ZNF25: variants seen among roughly 807,000 people sequenced by gnomAD.
ZNF25 encodes zinc finger protein 25.
A neutral mutation model predicts 30.9 loss-of-function variants in ZNF25; 21 were observed. The observed-to-expected ratio is 0.68, with a 90% CI of 0.48 to 0.98. The LOEUF (loss-of-function observed/expected upper bound fraction) is 0.98, where lower values mean the gene tolerates loss of function less well. ZNF25 is among the 50% of genes least tolerant of loss of function. The pLI, the probability that ZNF25 is intolerant of heterozygous loss-of-function variation, is 0.00. For synonymous variants in ZNF25, 169 were observed against 181.3 expected (o/e 0.93, Z 0.55); for missense variants, 501 against 529.9 (o/e 0.95, Z 0.54).
At chr10:37,957,282 C>G (rs1208521793) in intron 3 of ZNF25, 138 bp downstream of exon 3, 2 of 1,336,498 alleles carry the variant, frequency 1.5e-6, no homozygotes, top group Admixed American at 4.6e-5. Context: ...TTCTAGTACC[C>G]AAAATGGATT....
chr10:37,975,373 T>C (rs552155442), intron 1 of ZNF25, among the ~76,000 whole-genome samples: 4 of 125,168 alleles, frequency 3.2e-5, no homozygotes, highest in African/African-American at 1.3e-4. Flanking sequence ...CCCACAAATA[T>C]GTACATTATG....
At chr10:37,955,562 A>G (rs2062463323) in intron 4 of ZNF25, among the ~76,000 whole-genome samples, 1 of 152,206 alleles carries the variant, frequency 6.6e-6, no homozygotes, top group Non-Finnish European at 1.5e-5. Context: ...CAATTTTAGG[A>G]ATCCTTATCA....
At chr10:37,973,880 A>G (rs1488656794) in intron 1 of ZNF25, among the ~76,000 whole-genome samples, 1 of 152,244 alleles carries the variant, frequency 6.6e-6, no homozygotes, top group Non-Finnish European at 1.5e-5. Context: ...ACTTCAAAAT[A>G]TACTATAAAG....
chr10:37,964,253 T>C (rs1262449733), intron 2 of ZNF25, among the ~76,000 whole-genome samples: 1 of 152,154 alleles, frequency 6.6e-6, no homozygotes, highest in Non-Finnish European at 1.5e-5. Context: ...AAATAGGTAC[T>C]GAGGAGTAGA....
At chr10:37,954,916 G>T (rs1412357847) in intron 4 of ZNF25, among the ~76,000 whole-genome samples, 1 of 152,134 alleles carries the variant, frequency 6.6e-6, no homozygotes, top group Non-Finnish European at 1.5e-5. Context: ...CACTTTGAGA[G>T]GCTGAGGTGG....
intron 2 of ZNF25, among the ~76,000 whole-genome samples, chr10:37,963,091 C>CT (rs1473001734): frequency 3.4e-5 from 5 of 148,882 alleles, no homozygotes; most frequent in East Asian, 3.9e-4. Flanking sequence ...CAGTGGAGTA[C>CT]TTTTTTTTTC....
chr10:37,964,119 A>G (rs1023514697), intron 2 of ZNF25, among the ~76,000 whole-genome samples: 2 of 152,154 alleles, frequency 1.3e-5, no homozygotes, highest in Non-Finnish European at 2.9e-5. Context: ...CCAGAAGCTG[A>G]GCAGATGCCA....
intron 2 of ZNF25, among the ~76,000 whole-genome samples, chr10:37,966,729 G>T (rs559733171): frequency 6.6e-6 from 1 of 152,102 alleles, no homozygotes; most frequent in South Asian, 2.1e-4. Flanking sequence ...AACATTGAGG[G>T]TTACAATTTC....
At position 37,952,689 on chromosome 10, in the gene ZNF25, T is replaced by A; in HGVS notation, c.809A>T (p.Lys270Met). 1 of 1,613,852 alleles carries A rather than the reference T, an allele frequency of 6.2e-7. No homozygotes were observed. The change falls in exon 6 of 6, where the codon AAG (lysine) becomes ATG (methionine). Residue 270 changes from lysine (K) to methionine (M), a missense_variant. By Grantham distance (95) the Lys-to-Met change is moderately conservative (BLOSUM62 -1). Coordinates refer to ENST00000302609, the MANE Select transcript of ZNF25 (RefSeq NM_145011.4). ...TCTCTGATGTACTGTGAGGTGTGAC[T>A]TCTGGGAAAAGGCTTTCCCACACTC... ...CKECGKAFSQKSHLTVHQRMH... is the reference protein window; with the variant it reads ...CKECGKAFSQMSHLTVHQRMH...
At chr10:37,954,757 C>T (rs530654170) in intron 4 of ZNF25, among the ~76,000 whole-genome samples, 51 of 152,248 alleles carry the variant, frequency 3.3e-4, no homozygotes, top group Admixed American at 3.1e-3. Context: ...AGATTATCAG[C>T]AGATGCTTGG....
chr10:37,971,636 C>T, intron 2 of ZNF25, 72 bp downstream of exon 2: 2 of 775,778 alleles, frequency 2.6e-6, no homozygotes. Flanking sequence ...ATTAAACACA[C>T]ACACACACAC....
Position 37,953,737 on chromosome 10 carries a change from T to A in ZNF25, c.260A>T (p.Asp87Val). The A allele has an allele frequency of 6.2e-7, 1 of 1,614,022 alleles. No homozygotes were observed. The highest frequency in any genetic ancestry group is 8.5e-7 in the Non-Finnish European group (1 of 1,179,946). ...GCTTTCCTGGTATCTTGCTTCTAGATCATGAATGCTCCATAGGTCTTCTAC... is the reference window on the plus strand; with the variant it reads ...GCTTTCCTGGTATCTTGCTTCTAGAACATGAATGCTCCATAGGTCTTCTAC... ...GFPEDLWSIHDLEARYQESQA... is the reference protein window; with the variant it reads ...GFPEDLWSIHVLEARYQESQA... The change falls in exon 5 of 6, where the codon GAT becomes GTT. Residue 87 changes from aspartate to valine, a missense_variant. Coordinates refer to ENST00000302609, the MANE Select transcript of ZNF25 (RefSeq NM_145011.4).
intron 1 of ZNF25, among the ~76,000 whole-genome samples, chr10:37,974,030 G>T (rs1051120047): frequency 8.5e-5 from 13 of 152,132 alleles, no homozygotes; most frequent in Non-Finnish European, 1.6e-4. Flanking sequence ...TTGGAGAAAT[G>T]ACAGTTTCTT....
intron 4 of ZNF25, 51 bp from the exon 5 acceptor site, chr10:37,953,809 T>G (rs1206431206): frequency 6.8e-7 from 1 of 1,479,248 alleles, no homozygotes; most frequent in East Asian, 2.3e-5. Context: ...ACATTAATAT[T>G]GTCATAGCAT....
intron 2 of ZNF25, among the ~76,000 whole-genome samples, chr10:37,968,157 G>A (rs1009803917): frequency 1.3e-5 from 2 of 151,336 alleles, no homozygotes; most frequent in African/African-American, 2.4e-5. Context: ...TCCCGGGTTC[G>A]AGCAATTCTC....
intron 2 of ZNF25, among the ~76,000 whole-genome samples, chr10:37,965,932 A>G (rs2063155344): frequency 6.6e-6 from 1 of 152,242 alleles, no homozygotes; most frequent in Admixed American, 6.5e-5. Flanking sequence ...ACACTACTGA[A>G]GCTAAGTTGG....
Position 37,952,263 on chromosome 10 carries a change from T to A in ZNF25, c.1235A>T (p.His412Leu). ...GTGTTTTCTCTGATGTATAATAAAA[T>A]GTGACTTCTGAGAAAAGGACTTCCC... ...ECGKSFSQKS[H>L]FIIHQRKHTG... is the part of the protein sequence containing the mutation. The change falls in exon 6 of 6, where the codon CAT becomes CTT. Residue 412 changes from histidine (H) to leucine (L), a missense_variant. Transcript: ENST00000302609. 1 of 1,613,722 alleles carries A rather than the reference T, an allele frequency of 6.2e-7. No individual in the cohort carries two copies. Among genetic ancestry groups the A allele is most frequent in the Non-Finnish European group, 8.5e-7 (1 of 1,179,886 alleles).
In ZNF25 at chr10:37,953,207, G is replaced by A; in HGVS notation, c.303-12C>T. The A allele has an allele frequency of 6.4e-7, 1 of 1,560,354 alleles. No homozygotes were observed. The highest frequency in any genetic ancestry group is 1.2e-5 in the South Asian group (1 of 81,328). ...TGAGTTCTCCATTCCTAGACAGAAA[G>A]TTCCACATTCATTAATGTGTAAGAC... On this transcript the variant is annotated splice_polypyrimidine_tract_variant and intron_variant, in intron 5 of 5. Coordinates refer to ENST00000302609, the MANE Select transcript of ZNF25 (RefSeq NM_145011.4).
chr10:37,955,585 C>T (rs1208986597), intron 4 of ZNF25, among the ~76,000 whole-genome samples: 1 of 152,136 alleles, frequency 6.6e-6, no homozygotes, highest in South Asian at 2.1e-4. Context: ...AAAACCAATG[C>T]ATTGGCTTTA....
Sources: allele counts gnomAD v4.1 joint callset (sites outside exome capture counted in the v4.1 genomes callset), GRCh38; gene constraint gnomAD v4.1.1; transcripts MANE v1.5; gene names NCBI Gene and HGNC (gene_info 2026-07-23, HGNC 2026-07-21).